Variants in BCL7A observed in about 807,000 individuals in gnomAD.
BCL7A encodes B-cell CLL/lymphoma 7 protein family member A.
Under a neutral mutation model 28.4 loss-of-function variants are expected in BCL7A, and 11 were observed. That is an observed-to-expected ratio of 0.39 (90% CI 0.24 to 0.64). The LOEUF (loss-of-function observed/expected upper bound fraction) is 0.64. Among genes scored for constraint, BCL7A ranks in the 30% least tolerant of loss-of-function variants. BCL7A has a pLI of 0.50. For synonymous variants in BCL7A, 123 were observed against 103.3 expected, an observed-to-expected ratio of 1.19 and a Z score of -1.15; for missense variants, 222 against 274.8, an observed-to-expected ratio of 0.81 and a Z score of 1.36.
At chr12:122,041,948 A>G (rs1883972058) in intron 3 of BCL7A, among the ~76,000 whole-genome samples, 1 of 152,184 alleles carries the variant, frequency 6.6e-6, no homozygotes, top group Non-Finnish European at 1.5e-5. Flanking sequence ...ATGTTGGTGC[A>G]TGCCTGTAAT....
chr12:122,052,831 C>G (rs146741642), intron 4 of BCL7A, among the ~76,000 whole-genome samples: 1 of 133,368 alleles, frequency 7.5e-6, no homozygotes, highest in Admixed American at 8.5e-5. Context: ...TACAGGCGCG[C>G]GACACCACGC....
chr12:122,043,941 C>A lies in BCL7A; in HGVS notation c.327C>A (p.Asn109Lys). ...IADASPIKQE[N>K]SSNSSPAPEP... ...ATGCCTCCCCCATCAAACAGGAGAACAGCAGCAACTCCAGCCCCGCTCCAG... is the reference window on the plus strand; with the variant it reads ...ATGCCTCCCCCATCAAACAGGAGAAAAGCAGCAACTCCAGCCCCGCTCCAG... The change falls in exon 4 of 6, where the codon AAC becomes AAA. Residue 109 changes from asparagine (N) to lysine (K), a missense_variant. Physicochemically the swap from Asn to Lys is moderately conservative, Grantham distance 94. This residue lies in a region of BCL7A where 155 missense variants were observed against 145.7 expected (regional missense o/e 1.06). Coordinates refer to ENST00000261822, the MANE Select transcript of BCL7A (RefSeq NM_001024808.3). 6.2e-7 allele frequency: 1 copy of A among 1,613,988 alleles called. No homozygotes were observed. Among genetic ancestry groups the A allele is most frequent in the Non-Finnish European group, 8.5e-7 (1 of 1,180,014 alleles).
intron 3 of BCL7A, 70 bp downstream of exon 3, chr12:122,035,497 T>C: frequency 7.0e-7 from 1 of 1,419,106 alleles, no homozygotes; most frequent in South Asian, 1.2e-5. Flanking sequence ...GGTCATGTTT[T>C]TGTTTCTCCA....
At chr12:122,049,845 T>G (rs1033361110) in intron 4 of BCL7A, among the ~76,000 whole-genome samples, 1 of 152,056 alleles carries the variant, frequency 6.6e-6, no homozygotes, top group Non-Finnish European at 1.5e-5. Flanking sequence ...AACCGTTTAG[T>G]CAGAGGCTGC....
chr12:122,054,722 C>A, intron 4 of BCL7A, 83 bp from the exon 5 acceptor site: 1 of 1,395,024 alleles, frequency 7.2e-7, no homozygotes, highest in Non-Finnish European at 9.8e-7. Context: ...CTACCCGATT[C>A]AAGGTATTTT....
chr12:122,044,116 T>C (rs1884020670), intron 4 of BCL7A, 63 bp downstream of exon 4: 1 of 1,543,748 alleles, frequency 6.5e-7, no homozygotes. Context: ...AGGCAGTCTG[T>C]GGCTAGGTGT....
intron 1 of BCL7A, among the ~76,000 whole-genome samples, chr12:122,025,959 A>AAG (rs1479326439): frequency 6.7e-6 from 1 of 150,350 alleles, no homozygotes; most frequent in East Asian, 2.0e-4. Context: ...AAAAAAAAAA[A>AAG]AAAAAAAAAG....
chr12:122,033,324 TA>T (rs947224077), intron 2 of BCL7A, among the ~76,000 whole-genome samples: 92 of 152,172 alleles, frequency 6.0e-4, no homozygotes, highest in African/African-American at 2.1e-3. Context: ...TTTATTCATT[TA>T]TTTTTTTGAG....
intron 3 of BCL7A, among the ~76,000 whole-genome samples, chr12:122,042,449 G>A (rs779905027): frequency 1.3e-5 from 2 of 152,068 alleles, no homozygotes; most frequent in South Asian, 4.1e-4. Context: ...GAGGCCAAGA[G>A]TTCGAGACCA....
intron 4 of BCL7A, among the ~76,000 whole-genome samples, chr12:122,054,456 G>T (rs1292783196): frequency 6.6e-6 from 1 of 152,190 alleles, no homozygotes; most frequent in East Asian, 1.9e-4. Context: ...GCGGGAGAGA[G>T]GAATTGACAG....
chr12:122,026,408 A>T (rs1258869996), intron 1 of BCL7A, among the ~76,000 whole-genome samples: 1 of 152,108 alleles, frequency 6.6e-6, no homozygotes, highest in Non-Finnish European at 1.5e-5. Context: ...GTGCCACTGT[A>T]CTCTAGCCTG....
intron 4 of BCL7A, among the ~76,000 whole-genome samples, chr12:122,048,791 G>A (rs1300105352): frequency 6.6e-6 from 1 of 151,728 alleles, no homozygotes; most frequent in Non-Finnish European, 1.5e-5. Flanking sequence ...AGGCTGAGGT[G>A]GGCAGATCAC....
chr12:122,027,385 A>G (rs1883650666), intron 1 of BCL7A, among the ~76,000 whole-genome samples: 1 of 152,214 alleles, frequency 6.6e-6, no homozygotes, highest in Admixed American at 6.6e-5. Flanking sequence ...TCCTAAATAT[A>G]AAGTGGGGCC....
intron 3 of BCL7A, among the ~76,000 whole-genome samples, chr12:122,043,029 G>A (rs1371038654): frequency 6.8e-6 from 1 of 146,948 alleles, no homozygotes; most frequent in African/African-American, 2.5e-5. Context: ...TTTTAAATAT[G>A]ATACTGACTT....
Position 122,061,665 on chromosome 12 carries a change from G to A in BCL7A, c.*2502G>A. 1 of 227,802 alleles carries A rather than the reference G, an allele frequency of 4.4e-6. No homozygotes were observed. The highest frequency in any genetic ancestry group is 1.8e-4 in the South Asian group (1 of 5,442). 14.1% of individuals were successfully genotyped at this position (227,802 alleles called of 1,614,324 possible). A position where few individuals can be genotyped will look rare whatever the true frequency, so the allele number is the denominator to read the frequency against. ...AGCAAAAGCCTTCCGTGGACATCAG[G>A]CCCCGTGGCCTCAAGGGCTCCCAGG... On this transcript the variant is annotated 3_prime_UTR_variant, in exon 6 of 6. Transcript: ENST00000261822.
At chr12:122,032,272 C>T (rs1233002018) in intron 2 of BCL7A, among the ~76,000 whole-genome samples, 3 of 152,282 alleles carry the variant, frequency 2.0e-5, no homozygotes, top group South Asian at 2.1e-4. Flanking sequence ...CCTGGGCTCC[C>T]GGAATCACCA....
At chr12:122,058,330 C>G (rs1014475708) in intron 5 of BCL7A, among the ~76,000 whole-genome samples, 7 of 152,124 alleles carry the variant, frequency 4.6e-5, no homozygotes, top group African/African-American at 1.7e-4. Flanking sequence ...CATGGTGAAA[C>G]ATGGAGACAT....
intron 2 of BCL7A, among the ~76,000 whole-genome samples, chr12:122,032,689 T>G (rs942893727): frequency 2.0e-5 from 3 of 152,182 alleles, no homozygotes; most frequent in African/African-American, 7.2e-5. Flanking sequence ...CCCTCTTTTG[T>G]GTAATGGAGC....
intron 4 of BCL7A, among the ~76,000 whole-genome samples, chr12:122,048,049 A>G (rs942016922): frequency 2.6e-5 from 4 of 151,918 alleles, no homozygotes; most frequent in East Asian, 1.9e-4. Flanking sequence ...GATTACAGGC[A>G]TGCACCCCCA....
Sources: allele counts gnomAD v4.1 joint callset (sites outside exome capture counted in the v4.1 genomes callset), GRCh38; gene constraint gnomAD v4.1.1; regional missense constraint gnomAD v4.1.1; transcripts MANE v1.5; gene names NCBI Gene and HGNC (gene_info 2026-07-23, HGNC 2026-07-21).